PPFIBP1: variants seen among roughly 807,000 people sequenced by gnomAD.
The protein encoded by PPFIBP1 is liprin-beta-1.
Under a neutral mutation model 137.8 loss-of-function variants are expected in PPFIBP1, and 112 were observed. The observed-to-expected ratio is 0.81, with a 90% confidence interval of 0.70 to 0.95. The LOEUF (loss-of-function observed/expected upper bound fraction) is 0.95, where lower values mean the gene tolerates loss of function less well. Ranked by LOEUF, PPFIBP1 falls within the 40% of genes least tolerant of loss-of-function variation. The pLI is 0.00. For synonymous variants in PPFIBP1, 378 were observed against 417.3 expected (o/e 0.91, Z 1.15); for missense variants, 1,083 against 1,196.6 (o/e 0.91, Z 1.40).
chr12:27,621,572 C>T (rs1411108190), intron 2 of PPFIBP1, among the ~76,000 whole-genome samples: 1 of 152,124 alleles, frequency 6.6e-6, no homozygotes, highest in Non-Finnish European at 1.5e-5. Flanking sequence ...TTCTCTTCTC[C>T]CACAGCCGAA....
intron 1 of PPFIBP1, among the ~76,000 whole-genome samples, chr12:27,549,885 C>T (rs116542639): frequency 0.024 from 3,631 of 152,208 alleles, 145 homozygotes; most frequent in African/African-American, 0.084. Flanking sequence ...GTTTTGAAGG[C>T]GAGACCTTGA....
At chr12:27,646,398 C>G (rs2058492470) in intron 5 of PPFIBP1, 3 of 458,426 alleles carry the variant, frequency 6.5e-6, no homozygotes, top group Non-Finnish European at 8.1e-6. Context: ...ACAATGTTGT[C>G]TGATCTGTTC....
chr12:27,690,973 C>T (rs1380861940), intron 27 of PPFIBP1, among the ~76,000 whole-genome samples: 1 of 151,226 alleles, frequency 6.6e-6, no homozygotes, highest in East Asian at 1.9e-4. Flanking sequence ...TTACTGGGTC[C>T]TCCAGAAATT....
chr12:27,558,487 C>CACACGCACACACACAAACAT (rs2048887471), intron 1 of PPFIBP1, among the ~76,000 whole-genome samples: 1 of 112,606 alleles, frequency 8.9e-6, no homozygotes, highest in Admixed American at 9.6e-5. Flanking sequence ...CACACACACA[C>CACACGCACACACACAAACAT]ACACACACGA....
At chr12:27,642,737 TG>T (rs1332233254) in intron 4 of PPFIBP1, among the ~76,000 whole-genome samples, 2 of 151,832 alleles carry the variant, frequency 1.3e-5, no homozygotes, top group Non-Finnish European at 2.9e-5. Flanking sequence ...TACAAAACCT[TG>T]GGATAGTTGT....
intron 24 of PPFIBP1, among the ~76,000 whole-genome samples, chr12:27,682,975 A>G (rs2060968153): frequency 1.3e-5 from 2 of 152,222 alleles, no homozygotes; most frequent in Admixed American, 6.5e-5. Flanking sequence ...TTGATTTTAT[A>G]TGTAATACAT....
intron 13 of PPFIBP1, among the ~76,000 whole-genome samples, chr12:27,668,782 CA>C (rs2060012686): frequency 6.6e-6 from 1 of 152,198 alleles, no homozygotes; most frequent in African/African-American, 2.4e-5. Flanking sequence ...AGCCTTTCAT[CA>C]TTTTTCAGAG....
Position 27,679,981 on chromosome 12 carries a change from G to A in PPFIBP1, c.1815G>A (p.Glu605=), listed in dbSNP as rs2060782739. 6.2e-7 allele frequency: 1 copy of A among 1,614,076 alleles called. No individual in the cohort carries two copies. The highest frequency in any genetic ancestry group is 1.3e-5 in the African/African-American group (1 of 75,014). The part of the protein sequence containing the change: ...STTFNPDDMS[E]PEFKRGGTRA... ...CATTCAACCCAGATGACATGTCTGA[G>A]CCTGAATTCAAAAGAGGAGGGACAA... The change falls in exon 21 of 30, where the codon GAG becomes GAA. Residue 605 remains glutamate, a synonymous_variant. Coordinates refer to ENST00000228425, the MANE Select transcript of PPFIBP1 (RefSeq NM_003622.4).
chr12:27,602,161 T>C (rs1303021623), intron 2 of PPFIBP1, among the ~76,000 whole-genome samples: 1 of 152,266 alleles, frequency 6.6e-6, no homozygotes, highest in Middle Eastern at 3.4e-3. Context: ...TATTCTAGCG[T>C]CAGGATTGGG....
chr12:27,651,560 C>T (rs2058875795), intron 7 of PPFIBP1, among the ~76,000 whole-genome samples: 1 of 152,192 alleles, frequency 6.6e-6, no homozygotes, highest in Non-Finnish European at 1.5e-5. Context: ...ATATTTTCCT[C>T]TTTCCCCTCT....
chr12:27,652,630 T>C (rs2058941057), intron 7 of PPFIBP1, among the ~76,000 whole-genome samples: 1 of 152,196 alleles, frequency 6.6e-6, no homozygotes, highest in African/African-American at 2.4e-5. Flanking sequence ...TATAGTTGAG[T>C]AGTTTTTTGT....
intron 7 of PPFIBP1, among the ~76,000 whole-genome samples, chr12:27,651,496 A>G (rs2058872472): frequency 2.0e-5 from 3 of 152,314 alleles, no homozygotes; most frequent in African/African-American, 7.2e-5. Context: ...CAGGACTTAG[A>G]AAGTTACCCA....
chr12:27,684,919 C>T (rs561360116), intron 24 of PPFIBP1, among the ~76,000 whole-genome samples: 5 of 152,162 alleles, frequency 3.3e-5, no homozygotes, highest in Middle Eastern at 3.4e-3. Context: ...AAGAAATTAA[C>T]GTAGATGTTA....
intron 2 of PPFIBP1, among the ~76,000 whole-genome samples, chr12:27,600,559 T>TG (rs1363962272): frequency 6.6e-6 from 1 of 152,014 alleles, no homozygotes; most frequent in African/African-American, 2.4e-5. Context: ...ATTGTATCTT[T>TG]GAAAAAAAAA....
In PPFIBP1 at chr12:27,694,189, T is replaced by G. The variant is rs1378525870; in HGVS notation, c.*1307T>G. On this transcript the variant is annotated 3_prime_UTR_variant, in exon 30 of 30. Transcript: ENST00000228425. Reference sequence around the variant, plus strand: ...ACACCTGGCTGATTTTTCAAAAAGTTTTTTTGTAGAAACAGGGTCTCACCA... The same window carrying G: ...ACACCTGGCTGATTTTTCAAAAAGTGTTTTTGTAGAAACAGGGTCTCACCA... 1 of 149,244 alleles carries G rather than the reference T, an allele frequency of 6.7e-6. No homozygotes were observed. Among genetic ancestry groups the G allele is most frequent in the Non-Finnish European group, 1.5e-5 (1 of 67,280 alleles). The allele number at this position is 149,244 out of a possible 1,614,324, so 9.2% of individuals were successfully genotyped here.
intron 2 of PPFIBP1, among the ~76,000 whole-genome samples, chr12:27,613,350 A>G (rs2055366444): frequency 6.6e-6 from 1 of 152,248 alleles, no homozygotes; most frequent in Non-Finnish European, 1.5e-5. Flanking sequence ...CTGAATTGAC[A>G]GAAGTACTCT....
At chr12:27,557,489 C>T (rs894268002) in intron 1 of PPFIBP1, among the ~76,000 whole-genome samples, 1 of 152,138 alleles carries the variant, frequency 6.6e-6, no homozygotes, top group African/African-American at 2.4e-5. Flanking sequence ...CCCGCCTTGG[C>T]ACACGCCTGC....
chr12:27,532,609 G>A lies in PPFIBP1; in HGVS notation c.-124+8244G>A, dbSNP rs117458666. On this transcript the variant is annotated intron_variant, in intron 1 of 29. Transcript: ENST00000228425. Reference sequence around the variant, plus strand: ...GAACTAGACTAGTCACCAGAGCAAAGGAAGAGACTGGGTTTCTTGAGGTTT... The same window carrying A: ...GAACTAGACTAGTCACCAGAGCAAAAGAAGAGACTGGGTTTCTTGAGGTTT... Among the ~76,000 whole-genome samples the A allele has an allele frequency of 1.1e-4, 16 of 152,232 alleles. No homozygotes were observed. In the East Asian group the frequency reaches 3.1e-3, roughly 29 times the overall value.
rs1192901782 is a variant in PPFIBP1, at chr12:27,689,136, A to G, written c.2618A>G (p.Gln873Arg). The change falls in exon 27 of 30, where the codon CAG (glutamine) becomes CGG (arginine). Residue 873 changes from glutamine to arginine, a missense_variant. Transcript: ENST00000228425. The part of the protein sequence containing the change: ...HFNLLIGAEA[Q>R]HQKRDAMELP... Reference sequence around the variant, plus strand: ...AACCTTCTGATTGGGGCTGAGGCACAGCACCAGAAGCGAGATGCCATGGAG... The same window carrying G: ...AACCTTCTGATTGGGGCTGAGGCACGGCACCAGAAGCGAGATGCCATGGAG... 3 of 1,597,968 alleles carry G rather than the reference A, an allele frequency of 1.9e-6. No individual in the cohort carries two copies. The highest frequency in any genetic ancestry group is 4.5e-5 in the East Asian group (2 of 44,824).
Sources: allele counts gnomAD v4.1 joint callset (sites outside exome capture counted in the v4.1 genomes callset), GRCh38; gene constraint gnomAD v4.1.1; transcripts MANE v1.5; gene names NCBI Gene and HGNC (gene_info 2026-07-23, HGNC 2026-07-21).